B4GALNT3: variants seen among roughly 807,000 people sequenced by gnomAD.
B4GALNT3 encodes beta-1,4-N-acetyl-galactosaminyltransferase 3.
A neutral mutation model predicts 120.2 loss-of-function variants in B4GALNT3; 86 were observed. The observed-to-expected ratio is 0.72, with a 90% CI of 0.60 to 0.86. The LOEUF (loss-of-function observed/expected upper bound fraction) is 0.86, where lower values mean the gene tolerates loss of function less well. B4GALNT3 is among the 40% of genes least tolerant of loss of function. B4GALNT3 has a pLI of 0.00. For missense variants in B4GALNT3, 1,167 were observed against 1,298.9 expected, an observed-to-expected ratio of 0.90 and a Z score of 1.56; for synonymous variants, 518 against 510.4, an observed-to-expected ratio of 1.01 and a Z score of -0.20.
chr12:512,546 C>CCCCTTCG (rs1565598815), intron 1 of B4GALNT3, among the ~76,000 whole-genome samples: 1 of 128,202 alleles, frequency 7.8e-6, no homozygotes, highest in Non-Finnish European at 1.8e-5. Context: ...TTCAACCTTC[C>CCCCTTCG]ACCTTCGACC....
chr12:538,990 G>A (rs1480998882), intron 3 of B4GALNT3, among the ~76,000 whole-genome samples: 1 of 152,212 alleles, frequency 6.6e-6, no homozygotes, highest in Non-Finnish European at 1.5e-5. Flanking sequence ...GGCTCAGAGA[G>A]GTCAGCTCAG....
chr12:472,887 C>T (rs766730603), intron 1 of B4GALNT3, among the ~76,000 whole-genome samples: 3 of 152,150 alleles, frequency 2.0e-5, no homozygotes, highest in Non-Finnish European at 2.9e-5. Context: ...CTGTGTCTAG[C>T]CAACATAAAT....
At chr12:561,057 ATAT>A (rs1394929970) in intron 19 of B4GALNT3, among the ~76,000 whole-genome samples, 1 of 152,178 alleles carries the variant, frequency 6.6e-6, no homozygotes, top group Non-Finnish European at 1.5e-5. Flanking sequence ...GTCTACTCTA[ATAT>A]TAGATAGATA....
At position 544,945 on chromosome 12, in the gene B4GALNT3, T is replaced by G. The variant is rs1400651359; in HGVS notation, c.511T>G (p.Phe171Val). 6.2e-7 allele frequency: 1 copy of G among 1,614,026 alleles called. No homozygotes were observed. Among genetic ancestry groups the G allele is most frequent in the Non-Finnish European group, 8.5e-7 (1 of 1,179,986 alleles). ...PKWTNYGLRI[F>V]GYLHPFTDGK... Reference sequence around the variant, plus strand: ...ATGGACCAACTATGGCCTCCGCATCTTTGGCTACCTGCACCCCTTTACTGA... The same window carrying G: ...ATGGACCAACTATGGCCTCCGCATCGTTGGCTACCTGCACCCCTTTACTGA... The change falls in exon 5 of 20, where the codon TTT becomes GTT. Residue 171 changes from phenylalanine (F) to valine (V), a missense_variant. Around this residue, in one of 3 missense-constraint regions of B4GALNT3, gnomAD observed 983 missense variants for 1,102.5 expected, o/e 0.89. Coordinates refer to ENST00000266383, the MANE Select transcript of B4GALNT3 (RefSeq NM_173593.4).
At chr12:539,625 A>G (rs1330575191) in intron 3 of B4GALNT3, among the ~76,000 whole-genome samples, 2 of 152,152 alleles carry the variant, frequency 1.3e-5, no homozygotes, top group Admixed American at 6.6e-5. Flanking sequence ...AAAGTGTACA[A>G]TTCAAGGCTG....
At chr12:560,532 G>A (rs560447658) in intron 19 of B4GALNT3, among the ~76,000 whole-genome samples, 10 of 152,110 alleles carry the variant, frequency 6.6e-5, no homozygotes, top group East Asian at 1.9e-4. Context: ...GTTTTTTCCC[G>A]TTGAGGGAAG....
chr12:541,013 G>A (rs1335551518), intron 3 of B4GALNT3, among the ~76,000 whole-genome samples: 1 of 152,246 alleles, frequency 6.6e-6, no homozygotes. Context: ...AAAGTGCTGG[G>A]ATTACAGGCG....
At chr12:491,317 T>C (rs776008859) in intron 1 of B4GALNT3, among the ~76,000 whole-genome samples, 16 of 151,086 alleles carry the variant, frequency 1.1e-4, no homozygotes, top group Non-Finnish European at 2.1e-4. Context: ...ACCTGACACC[T>C]ATTCATGATA....
chr12:464,001 G>A (rs751191334), intron 1 of B4GALNT3, among the ~76,000 whole-genome samples: 15 of 152,208 alleles, frequency 9.9e-5, no homozygotes, highest in Non-Finnish European at 1.8e-4. Flanking sequence ...AATACTTTTG[G>A]TGTGGCATGG....
intron 1 of B4GALNT3, among the ~76,000 whole-genome samples, chr12:506,051 C>T (rs558832500): frequency 3.3e-4 from 50 of 152,250 alleles, no homozygotes; most frequent in African/African-American, 1.2e-3. Flanking sequence ...CCCTCTAATA[C>T]AGCACAGGTA....
chr12:503,741 A>G (rs1946466012), intron 1 of B4GALNT3, among the ~76,000 whole-genome samples: 1 of 130,294 alleles, frequency 7.7e-6, no homozygotes, highest in Admixed American at 7.1e-5. Flanking sequence ...CAGTTCCCCA[A>G]TCCACTGATC....
intron 1 of B4GALNT3, among the ~76,000 whole-genome samples, chr12:489,971 T>G (rs2120502309): frequency 6.6e-6 from 1 of 152,318 alleles, no homozygotes. Flanking sequence ...AACTGGAAAG[T>G]CCTCAAATAT....
intron 1 of B4GALNT3, among the ~76,000 whole-genome samples, chr12:525,922 G>A (rs1184857859): frequency 3.9e-5 from 6 of 152,272 alleles, no homozygotes; most frequent in East Asian, 3.9e-4. Flanking sequence ...TTCCAATCCC[G>A]GAAAACGTGT....
chr12:544,379 G>A lies in B4GALNT3; in HGVS notation c.392G>A (p.Cys131Tyr). The change falls in exon 4 of 20, where the codon TGT (cysteine) becomes TAT (tyrosine). Residue 131 changes from cysteine (C) to tyrosine (Y), a missense_variant. This residue lies in a region of B4GALNT3 where 13 missense variants were observed against 35.1 expected (regional missense o/e 0.37). Coordinates refer to ENST00000266383, the MANE Select transcript of B4GALNT3 (RefSeq NM_173593.4). ...AACCTGCATGTGTTTGAAGACTGGT[G>A]TGGCAGCTCTATCCAGCAGCTCAGG... ...RANLHVFEDWCGSSIQQLRRN... is the reference protein window; with the variant it reads ...RANLHVFEDWYGSSIQQLRRN... 1 of 1,613,746 alleles carries A rather than the reference G, an allele frequency of 6.2e-7. No homozygotes were observed. The highest frequency in any genetic ancestry group is 1.1e-5 in the South Asian group (1 of 91,090).
Position 484,888 on chromosome 12 carries a change from T to C in B4GALNT3, c.169+24343T>C, listed in dbSNP as rs986202155. Among the ~76,000 whole-genome samples the C allele has an allele frequency of 2.0e-5, 3 of 151,852 alleles. No individual in the cohort carries two copies. In the East Asian group the frequency reaches 5.8e-4, roughly 29 times the overall value. On this transcript the variant is annotated intron_variant, in intron 1 of 19. Transcript: ENST00000266383. ...CAGACCTTTCCAGTGGTATGTATGGTGTGAATTCCGGTGTGTTCTGAACTC... is the reference window on the plus strand; with the variant it reads ...CAGACCTTTCCAGTGGTATGTATGGCGTGAATTCCGGTGTGTTCTGAACTC...
intron 6 of B4GALNT3, among the ~76,000 whole-genome samples, chr12:545,844 G>A (rs1402525678): frequency 1.5e-5 from 1 of 68,848 alleles, no homozygotes; most frequent in Non-Finnish European, 2.8e-5. Flanking sequence ...GGTGAGGAGT[G>A]GGGAGGAGCG....
rs1946502788 is a variant in B4GALNT3 at position 506,905 on chromosome 12, G to A, written c.170-28261G>A. 3.3e-5 allele frequency among the ~76,000 whole-genome samples: 5 copies of A among 152,278 alleles called. No individual in the cohort carries two copies. The South Asian group carries it at 1.0e-3, about 32-fold the overall frequency. The stretch of plus-strand genomic sequence containing the variant: ...CCCGCCTCGGCCTCCCGAAGTGCTG[G>A]GATTACAGGCGTGAGCCACCGTGCC... On this transcript the variant is annotated intron_variant, in intron 1 of 19. Coordinates refer to ENST00000266383, the MANE Select transcript of B4GALNT3 (RefSeq NM_173593.4).
At chr12:484,964 A>G (rs1048071354) in intron 1 of B4GALNT3, among the ~76,000 whole-genome samples, 15 of 152,114 alleles carry the variant, frequency 9.9e-5, no homozygotes, top group African/African-American at 3.1e-4. Context: ...GGAAGTGTGA[A>G]CGCTGTCCAA....
intron 1 of B4GALNT3, among the ~76,000 whole-genome samples, chr12:463,606 T>C (rs1161336948): frequency 1.3e-5 from 2 of 152,060 alleles, no homozygotes; most frequent in Non-Finnish European, 2.9e-5. Context: ...TATAAAGCAG[T>C]CATTAAGTTT....
Sources: gnomAD v4.1 joint callset for allele counts (sites outside exome capture counted in the v4.1 genomes callset) on GRCh38, gnomAD v4.1.1 for gene constraint, gnomAD v4.1.1 regional missense constraint, MANE v1.5 for transcripts, NCBI Gene and HGNC (gene_info 2026-07-23, HGNC 2026-07-21) for gene names.